Variants in EPHB1 observed in about 807,000 individuals in gnomAD.
EPHB1 encodes EPH receptor B1.
EPHB1 carries 30 observed loss-of-function variants against 94.4 expected under a neutral mutation model. The ratio of observed to expected loss-of-function variants is 0.32; its 90% CI spans 0.24 to 0.43. The LOEUF is 0.43. EPHB1 is among the 20% of genes least tolerant of loss of function. The pLI, the probability that EPHB1 is intolerant of heterozygous loss-of-function variation, is 1.00. For missense variants in EPHB1, 1,055 were observed against 1,308.3 expected (o/e 0.81, Z 2.99); for synonymous variants, 522 against 489.1 (o/e 1.07, Z -0.89).
At chr3:134,993,224 G>A (rs956348090) in intron 3 of EPHB1, among the ~76,000 whole-genome samples, 10 of 152,240 alleles carry the variant, frequency 6.6e-5, no homozygotes, top group Non-Finnish European at 1.3e-4. Flanking sequence ...AGCAAGGCCT[G>A]GGAAGCAATC....
chr3:135,008,434 G>A (rs1372717140), intron 3 of EPHB1, among the ~76,000 whole-genome samples: 5 of 151,666 alleles, frequency 3.3e-5, no homozygotes, highest in Admixed American at 3.3e-4. Context: ...GCTACAGAGT[G>A]TGTTCTTAAG....
rs148746815 is a variant in EPHB1 at position 135,140,280 on chromosome 3, T to G, written c.1297+7231T>G. Among the ~76,000 whole-genome samples the G allele has an allele frequency of 1.7e-3, 252 of 152,218 alleles. 3 individuals carry two copies. Among genetic ancestry groups the G allele is most frequent in the African/African-American group, 5.5e-3 (227 of 41,534 alleles). On this transcript the variant is annotated intron_variant, in intron 5 of 15. Transcript: ENST00000398015. ...AGGATGGGAGGGAGGAGGGTGCAGG[T>G]GATCCATCCTCCATGCTCCTGTGGC...
At chr3:135,243,870 T>A (rs898294611) in intron 13 of EPHB1, among the ~76,000 whole-genome samples, 5 of 152,122 alleles carry the variant, frequency 3.3e-5, no homozygotes, top group Admixed American at 6.5e-5. Flanking sequence ...AGAGTGGCAG[T>A]GTCTGTGGAG....
At chr3:134,937,834 T>G (rs2039034634) in intron 2 of EPHB1, among the ~76,000 whole-genome samples, 1 of 151,714 alleles carries the variant, frequency 6.6e-6, no homozygotes, top group Non-Finnish European at 1.5e-5. Flanking sequence ...GATAATCACA[T>G]GTGTGAGGCA....
chr3:134,974,396 C>T (rs796227037), intron 3 of EPHB1, among the ~76,000 whole-genome samples: 19 of 152,266 alleles, frequency 1.2e-4, no homozygotes, highest in African/African-American at 4.6e-4. Context: ...GCGTTGCTTT[C>T]CTCGTTGTAA....
At chr3:135,198,050 C>T (rs1286971691) in intron 11 of EPHB1, among the ~76,000 whole-genome samples, 1 of 152,106 alleles carries the variant, frequency 6.6e-6, no homozygotes, top group African/African-American at 2.4e-5. Context: ...TTGCCCATTG[C>T]AGAGTCAGCA....
intron 4 of EPHB1, among the ~76,000 whole-genome samples, chr3:135,127,619 T>C (rs1177662836): frequency 6.6e-6 from 1 of 152,166 alleles, no homozygotes; most frequent in African/African-American, 2.4e-5. Flanking sequence ...TTTGGGGGCT[T>C]ACCTGTCTTC....
chr3:135,249,981 G>A (rs1933000337), intron 15 of EPHB1, among the ~76,000 whole-genome samples: 1 of 152,106 alleles, frequency 6.6e-6, no homozygotes, highest in Admixed American at 6.5e-5. Flanking sequence ...GAGTTTGGAG[G>A]AATACACAAA....
intron 1 of EPHB1, chr3:134,852,412 AC>A (rs2037007587): frequency 6.6e-6 from 1 of 152,120 alleles, no homozygotes; most frequent in Admixed American, 6.5e-5. Context: ...AGGGTCAGGC[AC>A]TTATTCCTTC....
chr3:134,853,821 C>T (rs1202510272), intron 1 of EPHB1, among the ~76,000 whole-genome samples: 1 of 152,136 alleles, frequency 6.6e-6, no homozygotes, highest in African/African-American at 2.4e-5. Flanking sequence ...AGGGCCAAAG[C>T]AGGGATGGAA....
intron 3 of EPHB1, among the ~76,000 whole-genome samples, chr3:135,057,609 T>C (rs995932531): frequency 1.3e-5 from 2 of 152,158 alleles, no homozygotes; most frequent in Non-Finnish European, 1.5e-5. Flanking sequence ...CCCTTTTATC[T>C]CCAGTGCTTT....
chr3:135,068,728 A>G (rs919367795), intron 3 of EPHB1, among the ~76,000 whole-genome samples: 3 of 151,060 alleles, frequency 2.0e-5, no homozygotes, highest in Admixed American at 6.6e-5. Flanking sequence ...TGCTCACTGC[A>G]AGCTCCACTT....
At chr3:135,173,872 C>G (rs369630810) in intron 9 of EPHB1, among the ~76,000 whole-genome samples, 1 of 152,190 alleles carries the variant, frequency 6.6e-6, no homozygotes, top group East Asian at 1.9e-4. Context: ...TTCCAAAAGC[C>G]CTTCACCTGG....
chr3:134,933,855 A>C (rs1410164693), intron 2 of EPHB1, among the ~76,000 whole-genome samples: 5 of 152,168 alleles, frequency 3.3e-5, no homozygotes, highest in African/African-American at 1.2e-4. Context: ...CTCAGTCTGC[A>C]AAAGGTTTTC....
chr3:135,125,699 G>GC (rs1368962901), intron 4 of EPHB1, among the ~76,000 whole-genome samples: 1 of 638 alleles, frequency 1.6e-3, no homozygotes, highest in Non-Finnish European at 5.7e-3. Flanking sequence ...TTTGATAATG[G>GC]TCTACATCCC....
intron 3 of EPHB1, among the ~76,000 whole-genome samples, chr3:135,014,420 C>T (rs1482949579): frequency 6.6e-6 from 1 of 152,176 alleles, no homozygotes; most frequent in Non-Finnish European, 1.5e-5. Flanking sequence ...CAGTTCATTT[C>T]TGTTGCTTAT....
chr3:134,940,388 G>C (rs2039088302), intron 2 of EPHB1, among the ~76,000 whole-genome samples: 1 of 152,226 alleles, frequency 6.6e-6, no homozygotes, highest in Non-Finnish European at 1.5e-5. Flanking sequence ...TATTTTGCGA[G>C]TGAGGAAACT....
chr3:135,140,068 A>G (rs147531622), intron 5 of EPHB1, among the ~76,000 whole-genome samples: 3 of 152,336 alleles, frequency 2.0e-5, no homozygotes, highest in East Asian at 1.9e-4. Flanking sequence ...CTCCAAGTAC[A>G]TAGCTTCAGG....
intron 3 of EPHB1, among the ~76,000 whole-genome samples, chr3:135,006,266 A>T (rs1484053257): frequency 1.3e-5 from 2 of 152,228 alleles, no homozygotes; most frequent in African/African-American, 2.4e-5. Flanking sequence ...TTCCACTTAT[A>T]TGGGGAAGAA....
Sources: gnomAD v4.1 joint callset for allele counts (sites outside exome capture counted in the v4.1 genomes callset) on GRCh38, gnomAD v4.1.1 for gene constraint, MANE v1.5 for transcripts, NCBI Gene and HGNC (gene_info 2026-07-23, HGNC 2026-07-21) for gene names.